NUMA1: variants seen among roughly 807,000 people sequenced by gnomAD.
The protein encoded by NUMA1 is SP-H antigen.
NUMA1 carries 62 observed loss-of-function variants against 237.1 expected under a neutral mutation model. The observed-to-expected ratio is 0.26, with a 90% CI of 0.21 to 0.32. The LOEUF (loss-of-function observed/expected upper bound fraction) is 0.32, where lower values mean the gene tolerates loss of function less well. NUMA1 is among the 10% of genes least tolerant of loss of function. The probability of loss-of-function intolerance (pLI) is 1.00; values close to 1 mark genes in which losing one functional copy is unlikely to be tolerated. For missense variants in NUMA1, 2,533 were observed against 2,666.5 expected, an observed-to-expected ratio of 0.95 and a Z score of 1.10; for synonymous variants, 1,028 against 1,066.1, an observed-to-expected ratio of 0.96 and a Z score of 0.70.
chr11:72,033,364 G>GTTTTTTT (rs58353057), intron 3 of NUMA1, among the ~76,000 whole-genome samples: 5 of 144,668 alleles, frequency 3.5e-5, no homozygotes, highest in East Asian at 2.0e-4. Flanking sequence ...CATGTTCTTT[G>GTTTTTTT]TTTTTTTTTT....
At chr11:72,008,502 G>A in intron 20 of NUMA1, 186 bp downstream of exon 20, 1 of 656,468 alleles carries the variant, frequency 1.5e-6, no homozygotes, top group Non-Finnish European at 2.6e-6. Flanking sequence ...CTTCCACGAA[G>A]CCTTTCTTGA....
Position 72,031,796 on chromosome 11 carries a change from G to A in NUMA1, c.43-2506C>T, listed in dbSNP as rs550994265. ...ACCACTGCACTCTAGCCTGGCCAAC[G>A]GATTGAGACCCTGTCTCAAAAAAAT... On this transcript the variant is annotated intron_variant, in intron 3 of 26. Coordinates refer to ENST00000393695, the MANE Select transcript of NUMA1 (RefSeq NM_006185.4). Among the ~76,000 whole-genome samples, 7 of 151,588 alleles carry A rather than the reference G, an allele frequency of 4.6e-5. No homozygotes were observed. In the South Asian group the frequency reaches 1.0e-3, roughly 23 times the overall value.
chr11:72,019,640 A>G, intron 8 of NUMA1, 23 bp from the exon 9 acceptor site: 1 of 1,607,552 alleles, frequency 6.2e-7, no homozygotes, highest in Admixed American at 1.7e-5. Flanking sequence ...AATAGACAAA[A>G]TAAATCAACA....
rs762329160 is a variant in NUMA1 at position 72,017,719 on chromosome 11, C to T, written c.1087G>A (p.Glu363Lys). 2.5e-6 allele frequency: 4 copies of T among 1,613,482 alleles called. No homozygotes were observed. The highest frequency in any genetic ancestry group is 1.7e-5 in the Admixed American group (1 of 60,024). Reference sequence around the variant, plus strand: ...TGCAGGGCTGCGCTGAGCTCCTTCTCCAGCTGGGCCTGCTTCTCTAGCCAC... The same window carrying T: ...TGCAGGGCTGCGCTGAGCTCCTTCTTCAGCTGGGCCTGCTTCTCTAGCCAC... ...QEWLEKQAQL[E>K]KELSAALQDK... The change falls in exon 13 of 27, where the codon GAG (glutamate) becomes AAG (lysine). Residue 363 changes from glutamate to lysine, a missense_variant. Glu to Lys is a moderately conservative substitution (Grantham distance 56). Transcript: ENST00000393695.
chr11:72,037,186 C>T (rs1430623036), intron 2 of NUMA1, among the ~76,000 whole-genome samples: 2 of 152,136 alleles, frequency 1.3e-5, no homozygotes, highest in East Asian at 1.9e-4. Flanking sequence ...ATCAGCCAAC[C>T]GAAAGGTATT....
intron 16 of NUMA1, 63 bp from the exon 17 acceptor site, chr11:72,010,917 G>A (rs985175489): frequency 2.1e-6 from 3 of 1,424,156 alleles, no homozygotes; most frequent in African/African-American, 2.8e-5. Context: ...CATCCTGGAT[G>A]TCCACCCATC....
chr11:72,077,958 G>A (rs1168257405), intron 1 of NUMA1, among the ~76,000 whole-genome samples: 3 of 152,092 alleles, frequency 2.0e-5, no homozygotes, highest in Non-Finnish European at 4.4e-5. Context: ...TAAAATGCAA[G>A]GAAAAATAGT....
At chr11:72,020,091 C>T (rs1378697922) in intron 8 of NUMA1, among the ~76,000 whole-genome samples, 1 of 152,174 alleles carries the variant, frequency 6.6e-6, no homozygotes, top group Non-Finnish European at 1.5e-5. Context: ...CCGTGGTTTC[C>T]GTGACCCCTT....
At chr11:72,060,148 C>G (rs1174917833) in intron 2 of NUMA1, among the ~76,000 whole-genome samples, 1 of 152,130 alleles carries the variant, frequency 6.6e-6, no homozygotes, top group Non-Finnish European at 1.5e-5. Flanking sequence ...GTGTAATTCC[C>G]CCTACCAGCA....
In NUMA1 at chr11:72,004,355, G is replaced by A; in HGVS notation, c.6007-14C>T. 9 of 1,605,950 alleles carry A rather than the reference G, an allele frequency of 5.6e-6. No homozygotes were observed. Among genetic ancestry groups the A allele is most frequent in the East Asian group, 2.2e-5 (1 of 44,838 alleles). Reference sequence around the variant, plus strand: ...GGCCTTCTTAGACTATGGAGAAGAGGACAGTTAGGCAGACAGTAGCAAGAG... The same window carrying A: ...GGCCTTCTTAGACTATGGAGAAGAGAACAGTTAGGCAGACAGTAGCAAGAG... On this transcript the variant is annotated splice_polypyrimidine_tract_variant and intron_variant, in intron 24 of 26. Transcript: ENST00000393695.
chr11:72,068,056 G>C (rs1943277654), intron 2 of NUMA1: 1 of 152,104 alleles, frequency 6.6e-6, no homozygotes, highest in Non-Finnish European at 1.5e-5. Context: ...CATCATTTCT[G>C]CCTAAAAAAA....
intron 1 of NUMA1, among the ~76,000 whole-genome samples, chr11:72,074,356 A>C (rs947416021): frequency 2.0e-5 from 3 of 152,290 alleles, no homozygotes; most frequent in African/African-American, 7.2e-5. Context: ...CCATCTCAAA[A>C]AAAATAAAAA....
intron 6 of NUMA1, 127 bp downstream of exon 6, chr11:72,022,938 C>CTA: frequency 1.5e-6 from 1 of 674,098 alleles, no homozygotes; most frequent in Non-Finnish European, 2.6e-6. Flanking sequence ...CTACCTCCAA[C>CTA]GTACTAGAGC....
At chr11:72,024,442 A>G in intron 4 of NUMA1, 89 bp from the exon 5 acceptor site, 1 of 1,143,798 alleles carries the variant, frequency 8.7e-7, no homozygotes. Context: ...CATTCCTTCC[A>G]GTCTTGATCT....
chr11:72,062,829 T>C (rs941609728), intron 2 of NUMA1: 1 of 152,218 alleles, frequency 6.6e-6, no homozygotes, highest in African/African-American at 2.4e-5. Context: ...TCCTAGCACT[T>C]TGGGAGGCCA....
At chr11:72,033,791 C>A (rs765328457) in intron 3 of NUMA1, among the ~76,000 whole-genome samples, 1 of 151,944 alleles carries the variant, frequency 6.6e-6, no homozygotes, top group Non-Finnish European at 1.5e-5. Context: ...GAGGTCAAGG[C>A]GGGTGGATCA....
intron 1 of NUMA1, among the ~76,000 whole-genome samples, chr11:72,078,653 A>G (rs1943831799): frequency 6.6e-6 from 1 of 152,260 alleles, no homozygotes; most frequent in African/African-American, 2.4e-5. Flanking sequence ...GCTGTGAACT[A>G]AGAGCTTAGA....
chr11:72,078,108 C>T (rs1943799684), intron 1 of NUMA1, among the ~76,000 whole-genome samples: 2 of 152,212 alleles, frequency 1.3e-5, no homozygotes, highest in Admixed American at 6.5e-5. Flanking sequence ...GCCATTCTCC[C>T]GCCTGCTCCT....
chr11:72,013,025 T>G lies in NUMA1; in HGVS notation c.4478A>C (p.Glu1493Ala), dbSNP rs778894232. 1 of 1,614,154 alleles carries G rather than the reference T, an allele frequency of 6.2e-7. No individual in the cohort carries two copies. The highest frequency in any genetic ancestry group is 1.1e-5 in the South Asian group (1 of 91,082). Reference protein sequence around the residue: ...VRADAETRLAEVQREAQSTAR... With the variant: ...VRADAETRLAAVQREAQSTAR... ...AGTGCTCTGTGCTTCTCGCTGCACC[T>G]CAGCCAGACGGGTCTCAGCATCAGC... Residue 1493 changes from glutamate (E) to alanine (A), a missense_variant, in exon 15 of 27, where the codon GAG (glutamate) becomes GCG (alanine). Transcript: ENST00000393695. This position sits in a 1 kb window ranked among gnomAD's most constrained non-coding sequence, Gnocchi z 6.8.
Sources: allele counts gnomAD v4.1 joint callset (sites outside exome capture counted in the v4.1 genomes callset), GRCh38; gene constraint gnomAD v4.1.1; non-coding constraint Gnocchi (gnomAD v3.1); transcripts MANE v1.5; gene names NCBI Gene and HGNC (gene_info 2026-07-23, HGNC 2026-07-21).